The following ZBTB40 variants were observed in gnomAD, a reference collection of about 807,000 sequenced individuals.
The protein encoded by ZBTB40 is zinc finger and BTB domain containing 40, also known as zinc finger and BTB domain-containing protein 40.
ZBTB40 carries 60 observed loss-of-function variants against 117.5 expected under a neutral mutation model. The ratio of observed to expected loss-of-function variants is 0.51; its 90% CI spans 0.41 to 0.63. ZBTB40 has a LOEUF of 0.63. Among genes scored for constraint, ZBTB40 ranks in the 30% least tolerant of loss-of-function variants. ZBTB40 has a pLI of 0.00. For missense variants in ZBTB40, 1,287 were observed against 1,498.5 expected (o/e 0.86, Z 2.33); for synonymous variants, 525 against 577.1 (o/e 0.91, Z 1.29).
At chr1:22,447,681 A>G (rs1640805453), upstream of ZBTB40, among the ~76,000 whole-genome samples, 6 of 152,186 alleles carry the variant, frequency 3.9e-5, no homozygotes, top group Admixed American at 3.9e-4. Context: ...CAGAAGTGCT[A>G]CTGTTGTCTG....
At chr1:22,464,796 G>A (rs1569782782) in intron 1 of ZBTB40, among the ~76,000 whole-genome samples, 2 of 152,080 alleles carry the variant, frequency 1.3e-5, no homozygotes, top group South Asian at 4.1e-4. Flanking sequence ...TTGCATGCTG[G>A]TTGTTTTCTT....
intron 1 of ZBTB40, among the ~76,000 whole-genome samples, chr1:22,462,366 A>C (rs1056416253): frequency 2.0e-5 from 3 of 152,210 alleles, no homozygotes; most frequent in Non-Finnish European, 4.4e-5. Context: ...AGTGGGGTTA[A>C]TAATAGTAAC....
intron 1 of ZBTB40, among the ~76,000 whole-genome samples, chr1:22,481,487 A>C (rs1039742321): frequency 6.6e-6 from 1 of 152,086 alleles, no homozygotes; most frequent in Non-Finnish European, 1.5e-5. Flanking sequence ...CCAGTTGCTC[A>C]TTCTGCTGAA....
rs573346443 is a variant in ZBTB40 at position 22,495,965 on chromosome 1, A to T, written c.831+4432A>T. Among the ~76,000 whole-genome samples the T allele has an allele frequency of 1.0e-3, 153 of 152,302 alleles. 1 individual carries two copies. The highest frequency in any genetic ancestry group is 6.5e-4 in the Non-Finnish European group (44 of 68,030). On this transcript the variant is annotated intron_variant, in intron 3 of 17. Coordinates refer to ENST00000375647, the MANE Select transcript of ZBTB40 (RefSeq NM_014870.4). ...GGGTAAAAACAAACAAATAAAGGCA[A>T]GGTAGGGGTTGGACAGGACGCTGGC...
At chr1:22,460,975 T>C (rs1641118668) in intron 1 of ZBTB40, among the ~76,000 whole-genome samples, 1 of 152,256 alleles carries the variant, frequency 6.6e-6, no homozygotes, top group Non-Finnish European at 1.5e-5. Flanking sequence ...TCTATTTCTC[T>C]AGTTGTATTA....
At chr1:22,454,197 C>G (rs945279891) in intron 1 of ZBTB40, among the ~76,000 whole-genome samples, 3 of 152,168 alleles carry the variant, frequency 2.0e-5, no homozygotes, top group Non-Finnish European at 4.4e-5. Flanking sequence ...AAGTGATCTG[C>G]CCGCCTCAGC....
At chr1:22,450,327 C>G (rs1640845455), upstream of ZBTB40, among the ~76,000 whole-genome samples, 1 of 152,190 alleles carries the variant, frequency 6.6e-6, no homozygotes, top group African/African-American at 2.4e-5. Context: ...TCTAGCAACC[C>G]TATGTTCCCA....
chr1:22,431,620 C>T (rs1640591288), intron 1 of ZBTB40, among the ~76,000 whole-genome samples: 2 of 151,654 alleles, frequency 1.3e-5, no homozygotes, highest in African/African-American at 4.8e-5. Flanking sequence ...CCTGCAATCC[C>T]AGCTACTCGG....
rs182355 is a variant in ZBTB40 at position 22,509,540 on chromosome 1, G to A, written c.1833+307G>A. 3.6e-3 allele frequency among the ~76,000 whole-genome samples: 554 copies of A among 152,278 alleles called. 4 individuals carry two copies. Among genetic ancestry groups the A allele is most frequent in the African/African-American group, 0.013 (525 of 41,558 alleles). On this transcript the variant is annotated intron_variant, in intron 9 of 17. Transcript: ENST00000375647. Reference sequence around the variant, plus strand: ...TTTTTGTATTTTTAGTGGAGACGGGGTTTCGCCATGTTGGCCAGGCTGGTC... The same window carrying A: ...TTTTTGTATTTTTAGTGGAGACGGGATTTCGCCATGTTGGCCAGGCTGGTC...
chr1:22,457,136 T>A (rs200881251), intron 1 of ZBTB40, among the ~76,000 whole-genome samples: 1 of 132,854 alleles, frequency 7.5e-6, no homozygotes, highest in African/African-American at 2.8e-5. Context: ...TTTTTTTTTT[T>A]AAAGGAAAGA....
At chr1:22,463,604 TCATTAGATA>T (rs1372765468) in intron 1 of ZBTB40, among the ~76,000 whole-genome samples, 1 of 152,190 alleles carries the variant, frequency 6.6e-6, no homozygotes, top group Non-Finnish European at 1.5e-5. Flanking sequence ...CCCTAATCAC[TCATTAGATA>T]CATGTGTCGC....
intron 1 of ZBTB40, among the ~76,000 whole-genome samples, chr1:22,442,965 A>G (rs2124368390): frequency 6.6e-6 from 1 of 152,326 alleles, no homozygotes; most frequent in East Asian, 1.9e-4. Context: ...AGTTGTATTT[A>G]ATCTGAAGGC....
Position 22,511,779 on chromosome 1 carries a change from C to T in ZBTB40, c.2106C>T (p.Asp702=), listed in dbSNP as rs756433638. 2 of 1,611,412 alleles carry T rather than the reference C, an allele frequency of 1.2e-6. No homozygotes were observed. The highest frequency in any genetic ancestry group is 2.2e-5 in the South Asian group (2 of 90,466). The stretch of plus-strand genomic sequence containing the variant: ...AAGATGAAAAGGCAGCCAAAGAAGA[C>T]AGCCAGCCTGGGGAACAGAATGATC... The part of the protein sequence containing the change: ...NKEDEKAAKE[D]SQPGEQNDQG... Residue 702 remains aspartate, a synonymous_variant, in exon 11 of 18, where the codon GAC becomes GAT. Transcript: ENST00000375647.
chr1:22,447,118 AG>A (rs1640798848), upstream of ZBTB40, among the ~76,000 whole-genome samples: 1 of 151,864 alleles, frequency 6.6e-6, no homozygotes, highest in South Asian at 2.1e-4. Flanking sequence ...AAAAAAAAAA[AG>A]TTCTAAATCT....
At chr1:22,496,873 C>A (rs932672347) in intron 3 of ZBTB40, among the ~76,000 whole-genome samples, 1 of 152,206 alleles carries the variant, frequency 6.6e-6, no homozygotes, top group Non-Finnish European at 1.5e-5. Flanking sequence ...CACGATAGGC[C>A]GTCTGTACCT....
intron 1 of ZBTB40, among the ~76,000 whole-genome samples, chr1:22,445,068 C>G (rs1163367179): frequency 6.6e-6 from 1 of 152,044 alleles, no homozygotes; most frequent in East Asian, 1.9e-4. Flanking sequence ...TGCTAACATA[C>G]TTTGGTGCTG....
chr1:22,444,843 T>C (rs1265973621), intron 1 of ZBTB40, among the ~76,000 whole-genome samples: 1 of 152,236 alleles, frequency 6.6e-6, no homozygotes, highest in Non-Finnish European at 1.5e-5. Context: ...TTGGTCCTCT[T>C]CCAAGTATAC....
chr1:22,447,758 G>A (rs1032565172), upstream of ZBTB40, among the ~76,000 whole-genome samples: 2 of 152,194 alleles, frequency 1.3e-5, no homozygotes, highest in Admixed American at 6.5e-5. Context: ...TGGATAAGCA[G>A]GCAGGCAGTT....
At chr1:22,510,497 A>G (rs1447168549) in intron 9 of ZBTB40, among the ~76,000 whole-genome samples, 2 of 152,228 alleles carry the variant, frequency 1.3e-5, no homozygotes, top group East Asian at 3.8e-4. Context: ...GCAGAAATAA[A>G]ATATCTTCCA....
Sources: allele counts gnomAD v4.1 joint callset (sites outside exome capture counted in the v4.1 genomes callset), GRCh38; gene constraint gnomAD v4.1.1; transcripts MANE v1.5; gene names NCBI Gene and HGNC (gene_info 2026-07-23, HGNC 2026-07-21).